ARID2: variants seen among roughly 807,000 people sequenced by gnomAD.
ARID2 encodes AT-rich interactive domain-containing protein 2.
ARID2 carries 32 observed loss-of-function variants against 184.6 expected under a neutral mutation model. The ratio of observed to expected loss-of-function variants is 0.17; its 90% CI spans 0.13 to 0.23. The LOEUF (loss-of-function observed/expected upper bound fraction) is 0.23. Ranked by LOEUF, ARID2 falls within the 10% of genes least tolerant of loss-of-function variation. The probability of loss-of-function intolerance (pLI) is 1.00; values close to 1 mark genes in which losing one functional copy is unlikely to be tolerated. For missense variants in ARID2, 1,696 were observed against 2,197.6 expected (o/e 0.77, Z 4.56); for synonymous variants, 836 against 772.6 (o/e 1.08, Z -1.36).
At chr12:45,795,525 C>T (rs1325888211) in intron 3 of ARID2, among the ~76,000 whole-genome samples, 5 of 152,010 alleles carry the variant, frequency 3.3e-5, no homozygotes, top group African/African-American at 7.2e-5. Context: ...CTCCGCCTCC[C>T]GGGTTCACGC....
intron 16 of ARID2, among the ~76,000 whole-genome samples, chr12:45,878,722 C>G (rs1007456987): frequency 4.6e-5 from 7 of 152,002 alleles, no homozygotes; most frequent in African/African-American, 1.2e-4. Flanking sequence ...ATATCTGAGT[C>G]TGGTTCTAAT....
At chr12:45,829,282 A>G (rs1943063637) in intron 6 of ARID2, among the ~76,000 whole-genome samples, 1 of 152,198 alleles carries the variant, frequency 6.6e-6, no homozygotes, top group South Asian at 2.1e-4. Flanking sequence ...TTTTTAGTCA[A>G]GAAACTGAAA....
intron 3 of ARID2, among the ~76,000 whole-genome samples, chr12:45,793,386 AT>A (rs1258830232): frequency 1.3e-5 from 2 of 151,508 alleles, no homozygotes; most frequent in South Asian, 2.1e-4. Flanking sequence ...TAACTGAGGA[AT>A]TTTTTCATCT....
At chr12:45,772,473 A>G (rs1941896216) in intron 3 of ARID2, among the ~76,000 whole-genome samples, 1 of 152,216 alleles carries the variant, frequency 6.6e-6, no homozygotes, top group African/African-American at 2.4e-5. Context: ...TGGATAAAAA[A>G]TACAGAACTC....
intron 12 of ARID2, among the ~76,000 whole-genome samples, chr12:45,848,051 C>G (rs981540995): frequency 5.9e-5 from 9 of 151,626 alleles, no homozygotes; most frequent in Admixed American, 4.6e-4. Flanking sequence ...CTTATAAATC[C>G]CAGTTGCACG....
intron 16 of ARID2, among the ~76,000 whole-genome samples, chr12:45,890,993 C>A (rs750476465): frequency 6.6e-6 from 1 of 151,974 alleles, no homozygotes; most frequent in East Asian, 1.9e-4. Flanking sequence ...GGTGAAACCC[C>A]GTCTCTACTA....
chr12:45,891,518 A>T (rs1944301421), intron 16 of ARID2, among the ~76,000 whole-genome samples: 1 of 152,238 alleles, frequency 6.6e-6, no homozygotes, highest in African/African-American at 2.4e-5. Flanking sequence ...TGAGAAATTT[A>T]TGAAAGTACA....
chr12:45,734,587 A>AG (rs1005773238), intron 3 of ARID2, among the ~76,000 whole-genome samples: 3 of 151,870 alleles, frequency 2.0e-5, no homozygotes, highest in Admixed American at 6.6e-5. Context: ...AAAAAAAAAA[A>AG]TTAAATGGCT....
chr12:45,761,835 T>C (rs1941687159), intron 3 of ARID2, among the ~76,000 whole-genome samples: 1 of 152,154 alleles, frequency 6.6e-6, no homozygotes, highest in African/African-American at 2.4e-5. Flanking sequence ...TAGAATTCCT[T>C]TTGGGTAGAT....
Position 45,817,977 on chromosome 12 carries a change from A to G in ARID2, c.637+89A>G. On this transcript the variant is annotated intron_variant, in intron 5 of 20. Coordinates refer to ENST00000334344, the MANE Select transcript of ARID2 (RefSeq NM_152641.4). Reference sequence around the variant, plus strand: ...AGGAGAAAGTACTTTTTGTTTGTCAACATAATAGCATTCTTTATTTTCTGT... The same window carrying G: ...AGGAGAAAGTACTTTTTGTTTGTCAGCATAATAGCATTCTTTATTTTCTGT... 6.5e-6 allele frequency: 6 copies of G among 921,908 alleles called. No individual in the cohort carries two copies. The East Asian group carries it at 8.2e-5, about 13-fold the overall frequency. 57.1% of individuals were successfully genotyped at this position (921,908 alleles called of 1,614,324 possible). A position where few individuals can be genotyped will look rare whatever the true frequency, so the allele number is the denominator to read the frequency against.
chr12:45,741,794 TA>T (rs565883751), intron 3 of ARID2, among the ~76,000 whole-genome samples: 283 of 152,318 alleles, frequency 1.9e-3, no homozygotes, highest in Non-Finnish European at 3.5e-3. Flanking sequence ...TGCGGAATGG[TA>T]TATAGAAACC....
At chr12:45,773,469 A>G (rs951314970) in intron 3 of ARID2, among the ~76,000 whole-genome samples, 2 of 152,138 alleles carry the variant, frequency 1.3e-5, no homozygotes, top group Non-Finnish European at 2.9e-5. Flanking sequence ...GTCTTTGAAA[A>G]TATCAACAAT....
At chr12:45,780,652 C>G (rs949771224) in intron 3 of ARID2, among the ~76,000 whole-genome samples, 4 of 151,986 alleles carry the variant, frequency 2.6e-5, no homozygotes, top group Admixed American at 6.6e-5. Context: ...GAGTCTTGCT[C>G]TTATTGCCTA....
intron 3 of ARID2, among the ~76,000 whole-genome samples, chr12:45,780,709 G>A (rs919794298): frequency 6.6e-6 from 1 of 151,950 alleles, no homozygotes; most frequent in African/African-American, 2.4e-5. Flanking sequence ...ACCTCTGCCT[G>A]CCGGGTTCAA....
chr12:45,786,938 A>G (rs958365300), intron 3 of ARID2, among the ~76,000 whole-genome samples: 2 of 152,218 alleles, frequency 1.3e-5, no homozygotes, highest in Non-Finnish European at 2.9e-5. Context: ...TAAAAAGGTC[A>G]CACTCATAAA....
intron 3 of ARID2, among the ~76,000 whole-genome samples, chr12:45,742,059 C>T (rs1483909960): frequency 6.6e-6 from 1 of 152,144 alleles, no homozygotes; most frequent in Non-Finnish European, 1.5e-5. Flanking sequence ...CTTCTCAGTT[C>T]TGCAGTACAT....
At position 45,823,580 on chromosome 12, in the gene ARID2, CAAAT is replaced by C. The variant is rs374649302; in HGVS notation, c.705+2097_705+2100del. 2.6e-3 allele frequency among the ~76,000 whole-genome samples: 388 copies of C among 151,846 alleles called. 12 individuals are homozygous for C. In the South Asian group the frequency reaches 0.068, roughly 26 times the overall value. On this transcript the variant is annotated intron_variant, in intron 6 of 20. Coordinates refer to ENST00000334344, the MANE Select transcript of ARID2 (RefSeq NM_152641.4). Reference sequence around the variant, plus strand: ...TAGCTAAGAAAAAAGAGAGAAGACTCAAATAAAGTCAGAAACATAAAAGGAGACA... The same window carrying C: ...TAGCTAAGAAAAAAGAGAGAAGACTCAAAGTCAGAAACATAAAAGGAGACA...
intron 15 of ARID2, among the ~76,000 whole-genome samples, chr12:45,855,812 G>C (rs911786311): frequency 6.6e-6 from 1 of 152,176 alleles, no homozygotes; most frequent in African/African-American, 2.4e-5. Context: ...GACCTCCTTG[G>C]CTCAAGTAAT....
chr12:45,751,837 T>C (rs1382244556), intron 3 of ARID2, among the ~76,000 whole-genome samples: 1 of 152,220 alleles, frequency 6.6e-6, no homozygotes, highest in Non-Finnish European at 1.5e-5. Context: ...AAAAATATGA[T>C]ATTATAATCT....
Sources: gnomAD v4.1 joint callset for allele counts (sites outside exome capture counted in the v4.1 genomes callset) on GRCh38, gnomAD v4.1.1 for gene constraint, MANE v1.5 for transcripts, NCBI Gene and HGNC (gene_info 2026-07-23, HGNC 2026-07-21) for gene names.